The following MORC1 variants were observed in gnomAD, a reference collection of about 807,000 sequenced individuals.
MORC1 encodes the protein MORC family CW-type zinc finger protein 1.
MORC1 carries 59 observed loss-of-function variants against 134.9 expected under a neutral mutation model. That is an observed-to-expected ratio of 0.44 (90% CI 0.35 to 0.54). The LOEUF (loss-of-function observed/expected upper bound fraction) is 0.54, where lower values mean the gene tolerates loss of function less well. Among genes scored for constraint, MORC1 ranks in the 20% least tolerant of loss-of-function variants. The pLI, the probability that MORC1 is intolerant of heterozygous loss-of-function variation, is 0.00. For missense variants in MORC1, 947 were observed against 1,134.5 expected, an observed-to-expected ratio of 0.83 and a Z score of 2.37; for synonymous variants, 395 against 391.7, an observed-to-expected ratio of 1.01 and a Z score of -0.10.
intron 17 of MORC1, among the ~76,000 whole-genome samples, chr3:109,017,131 G>C (rs771527517): frequency 6.7e-6 from 1 of 150,332 alleles, no homozygotes; most frequent in Non-Finnish European, 1.5e-5. Flanking sequence ...CATCCCACCT[G>C]GCTTTCCCTC....
chr3:109,008,460 AT>A (rs397837129), intron 17 of MORC1, among the ~76,000 whole-genome samples: 1 of 151,198 alleles, frequency 6.6e-6, no homozygotes, highest in Non-Finnish European at 1.5e-5. Context: ...ATATATATAT[AT>A]AATTATATGT....
At chr3:109,008,747 G>C (rs541862030) in intron 17 of MORC1, among the ~76,000 whole-genome samples, 70 of 151,848 alleles carry the variant, frequency 4.6e-4, no homozygotes, top group African/African-American at 1.5e-3. Context: ...TCTGTCTTTA[G>C]ACAGGATCTA....
At chr3:109,093,213 A>G (rs1392881478) in intron 8 of MORC1, among the ~76,000 whole-genome samples, 4 of 152,210 alleles carry the variant, frequency 2.6e-5, no homozygotes, top group African/African-American at 9.6e-5. Context: ...TCAGCAGGTC[A>G]AGATGAGGCC....
At chr3:109,036,250 TCTC>T (rs1470734382) in intron 14 of MORC1, among the ~76,000 whole-genome samples, 13 of 152,110 alleles carry the variant, frequency 8.5e-5, no homozygotes, top group African/African-American at 3.1e-4. Flanking sequence ...TGCATCAAGA[TCTC>T]CAAGTTAAAG....
intron 3 of MORC1, chr3:109,109,789 A>G (rs574796194): frequency 6.6e-6 from 1 of 152,392 alleles, no homozygotes; most frequent in African/African-American, 2.4e-5. Context: ...AGAGAGCGTG[A>G]GTCCTGATCC....
At chr3:109,094,456 T>A (rs1394725988) in intron 7 of MORC1, among the ~76,000 whole-genome samples, 1 of 152,170 alleles carries the variant, frequency 6.6e-6, no homozygotes, top group African/African-American at 2.4e-5. Flanking sequence ...GTGGAAAGAA[T>A]GGGGAAAAGA....
chr3:109,110,652 T>C, intron 3 of MORC1, 97 bp downstream of exon 3: 1 of 1,045,904 alleles, frequency 9.6e-7, no homozygotes, highest in South Asian at 1.5e-5. Context: ...ATTAAAATTC[T>C]ATAGAATGTG....
chr3:108,995,663 A>C (rs183079948), intron 21 of MORC1, among the ~76,000 whole-genome samples: 1 of 152,334 alleles, frequency 6.6e-6, no homozygotes, highest in East Asian at 1.9e-4. Context: ...TAGCTTGACT[A>C]GAAGGACAAA....
chr3:109,074,072 C>T (rs1483516121), intron 8 of MORC1, among the ~76,000 whole-genome samples: 1 of 152,160 alleles, frequency 6.6e-6, no homozygotes, highest in Admixed American at 6.6e-5. Context: ...TGGAATGCTG[C>T]CCAATGACTG....
In MORC1 at chr3:108,979,588, C is replaced by G. The variant is rs761574159; in HGVS notation, c.2404G>C (p.Val802Leu). The change falls in exon 24 of 28, where the codon GTT (valine) becomes CTT (leucine). Residue 802 changes from valine (V) to leucine (L), a missense_variant. Around this residue, in one of 3 missense-constraint regions of MORC1, gnomAD observed 722 missense variants for 817.0 expected, o/e 0.88. Transcript: ENST00000232603. ...TGAGAAGACGCTGGCGAAGAAGCAA[C>G]TTTACAACTGCCACTCACAGAAACT... The part of the protein sequence containing the change: ...ARVSVSGSCK[V>L]ASSPASSQST... 6.2e-7 allele frequency: 1 copy of G among 1,614,194 alleles called. No homozygotes were observed. The highest frequency in any genetic ancestry group is 1.1e-5 in the South Asian group (1 of 91,082).
At position 108,958,847 on chromosome 3, in the gene MORC1, T is replaced by C; in HGVS notation, c.*118A>G. ...TTCTTATTTGAAAAAAATTATTTCT[T>C]ATTTCTTATTGTTAAACAGAATAGA... is the stretch of plus-strand genomic sequence containing the variant. On this transcript the variant is annotated 3_prime_UTR_variant, in exon 28 of 28. Coordinates refer to ENST00000232603, the MANE Select transcript of MORC1 (RefSeq NM_014429.4). 1.6e-6 allele frequency: 1 copy of C among 620,624 alleles called. No homozygotes were observed. The highest frequency in any genetic ancestry group is 2.5e-6 in the Non-Finnish European group (1 of 400,848). The allele number at this position is 620,624 out of a possible 1,614,324, so 38.4% of individuals were successfully genotyped here. A position where few individuals can be genotyped will look rare whatever the true frequency, so the allele number is the denominator to read the frequency against.
chr3:108,976,919 C>T (rs1947580042), intron 24 of MORC1, among the ~76,000 whole-genome samples: 1 of 151,952 alleles, frequency 6.6e-6, no homozygotes, highest in East Asian at 1.9e-4. Context: ...TCACATGTAA[C>T]TCACTAAAAT....
At chr3:108,976,754 T>G (rs1292555890) in intron 24 of MORC1, among the ~76,000 whole-genome samples, 1 of 152,154 alleles carries the variant, frequency 6.6e-6, no homozygotes, top group Non-Finnish European at 1.5e-5. Flanking sequence ...GCTTTCAGAG[T>G]GCTCAGTTGG....
chr3:108,972,286 A>G (rs1947405203), intron 24 of MORC1, among the ~76,000 whole-genome samples: 1 of 152,110 alleles, frequency 6.6e-6, no homozygotes, highest in Admixed American at 6.5e-5. Context: ...CTTAAAGTGT[A>G]TAGTATTCTA....
chr3:109,117,103 T>C (rs918490393), intron 1 of MORC1, among the ~76,000 whole-genome samples: 6 of 152,216 alleles, frequency 3.9e-5, no homozygotes, highest in African/African-American at 7.2e-5. Flanking sequence ...TTTTAACTTT[T>C]TGTTCCACCT....
intron 14 of MORC1, among the ~76,000 whole-genome samples, chr3:109,053,007 G>GA (rs1267199310): frequency 7.6e-5 from 11 of 145,192 alleles, no homozygotes; most frequent in Admixed American, 4.9e-4. Flanking sequence ...CAACAAACAT[G>GA]AAAAAAAATG....
intron 27 of MORC1, among the ~76,000 whole-genome samples, chr3:108,962,910 A>G (rs914830104): frequency 3.3e-5 from 5 of 152,186 alleles, no homozygotes; most frequent in Non-Finnish European, 7.3e-5. Flanking sequence ...TTATTTATGC[A>G]TTAAAATAAA....
intron 24 of MORC1, among the ~76,000 whole-genome samples, chr3:108,978,270 C>A (rs6783997): frequency 0.27 from 41,675 of 152,016 alleles, 5,963 homozygotes; most frequent in Middle Eastern, 0.45. Context: ...CCAACCAGAC[C>A]GAAAGGGATA....
chr3:109,033,117 CAA>C (rs138512610), intron 15 of MORC1, among the ~76,000 whole-genome samples: 30,963 of 151,894 alleles, frequency 0.2, 3,485 homozygotes, highest in Middle Eastern at 0.33. Context: ...CTTCTAAAAC[CAA>C]ATTAATAATT....
Sources: gnomAD v4.1 joint callset for allele counts (sites outside exome capture counted in the v4.1 genomes callset) on GRCh38, gnomAD v4.1.1 for gene constraint, gnomAD v4.1.1 regional missense constraint, MANE v1.5 for transcripts, NCBI Gene and HGNC (gene_info 2026-07-23, HGNC 2026-07-21) for gene names.